RASEF: variants seen among roughly 807,000 people sequenced by gnomAD.
RASEF encodes ras and EF-hand domain-containing protein.
Under a neutral mutation model 90.1 loss-of-function variants are expected in RASEF, and 68 were observed. The ratio of observed to expected loss-of-function variants is 0.75; its 90% CI spans 0.62 to 0.92. RASEF has a LOEUF of 0.92. RASEF is among the 40% of genes least tolerant of loss of function. The probability of loss-of-function intolerance (pLI) is 0.00; values close to 1 mark genes in which losing one functional copy is unlikely to be tolerated. For missense variants in RASEF, 949 were observed against 937.2 expected, an observed-to-expected ratio of 1.01 and a Z score of -0.16; for synonymous variants, 331 against 345.2, an observed-to-expected ratio of 0.96 and a Z score of 0.46.
At chr9:83,212,788 A>T in the RASEF span, among the ~76,000 whole-genome samples, 37 of 152,316 alleles carry the variant, frequency 2.4e-4, no homozygotes, top group East Asian at 6.4e-3. Flanking sequence ...AACCCCAAAG[A>T]TTGTAGCAGG....
the RASEF span, among the ~76,000 whole-genome samples, chr9:83,150,072 C>A: frequency 2.6e-5 from 4 of 152,208 alleles, no homozygotes; most frequent in Non-Finnish European, 4.4e-5. Flanking sequence ...CTTCCCCCAA[C>A]CTTGACAACT....
the RASEF span, among the ~76,000 whole-genome samples, chr9:83,078,145 C>G: frequency 6.6e-6 from 1 of 152,058 alleles, no homozygotes; most frequent in Admixed American, 6.5e-5. Context: ...TGTGGCTCAC[C>G]GTGTGTGTTT....
chr9:83,096,604 A>C, the RASEF span, among the ~76,000 whole-genome samples: 1 of 151,798 alleles, frequency 6.6e-6, no homozygotes, highest in African/African-American at 2.4e-5. Flanking sequence ...CCTCACCTAC[A>C]GGGGGAAACA....
chr9:83,163,407 G>A, the RASEF span, among the ~76,000 whole-genome samples: 1 of 152,164 alleles, frequency 6.6e-6, no homozygotes, highest in East Asian at 1.9e-4. Flanking sequence ...AGAAATGGCA[G>A]GGATGTAGGA....
the RASEF span, among the ~76,000 whole-genome samples, chr9:83,196,530 C>G: frequency 6.6e-6 from 1 of 152,128 alleles, no homozygotes; most frequent in Non-Finnish European, 1.5e-5. Flanking sequence ...CTACCGGGCC[C>G]CTTGATAAGA....
chr9:83,009,955 C>A (rs1829209748), intron 5 of RASEF, among the ~76,000 whole-genome samples, 199 bp from the exon 6 acceptor site: 1 of 152,070 alleles, frequency 6.6e-6, no homozygotes, highest in Admixed American at 6.5e-5. Context: ...AAATCAAAAC[C>A]CTCAAAGTCA....
At chr9:83,156,468 T>C in the RASEF span, among the ~76,000 whole-genome samples, 1 of 152,212 alleles carries the variant, frequency 6.6e-6, no homozygotes, top group East Asian at 1.9e-4. Context: ...GCCCAGGGCA[T>C]AGATCTTCAA....
intron 13 of RASEF, among the ~76,000 whole-genome samples, chr9:82,998,128 A>G (rs6559694): frequency 0.53 from 80,940 of 151,976 alleles, 21,832 homozygotes; most frequent in East Asian, 0.78. Context: ...ACTGAACATC[A>G]GCTCAAAAGA....
At chr9:83,175,362 T>C in the RASEF span, among the ~76,000 whole-genome samples, 1 of 152,218 alleles carries the variant, frequency 6.6e-6, no homozygotes, top group East Asian at 1.9e-4. Context: ...ATAGAGATGA[T>C]CATTTGCCTT....
At chr9:82,996,970 C>T (rs777077789) in intron 14 of RASEF, 42 bp downstream of exon 14, 1 of 1,189,458 alleles carries the variant, frequency 8.4e-7, no homozygotes, top group Admixed American at 1.7e-5. Context: ...TGGCCTAAAA[C>T]TTCCTCGTGT....
chr9:83,112,994 T>C, the RASEF span, among the ~76,000 whole-genome samples: 3 of 152,220 alleles, frequency 2.0e-5, no homozygotes, highest in Non-Finnish European at 2.9e-5. Context: ...TAAAAAACAC[T>C]GTATTTAAAA....
At chr9:83,176,688 C>A in the RASEF span, among the ~76,000 whole-genome samples, 2 of 146,066 alleles carry the variant, frequency 1.4e-5, no homozygotes, top group Non-Finnish European at 2.9e-5. Context: ...TAAATCTTAA[C>A]TTATCAAAAT....
Position 82,983,107 on chromosome 9 carries a change from C to CCACACACACA in RASEF, c.2118-335_2118-326dup, listed in dbSNP as rs10539196. On this transcript the variant is annotated intron_variant, in intron 16 of 16. Coordinates refer to ENST00000376447, the MANE Select transcript of RASEF (RefSeq NM_152573.4). ...CAGCACCTGTTTTCTGAGTACCAGG[C>CCACACACACA]CACACACACACACACACACACACAC... Among the ~76,000 whole-genome samples the CCACACACACA allele has an allele frequency of 2.7e-3, 345 of 128,638 alleles. 4 individuals carry two copies. The highest frequency in any genetic ancestry group is 8.4e-3 in the African/African-American group (277 of 32,998). 84.4% of individuals were successfully genotyped at this position (128,638 alleles called of 152,430 possible).
At chr9:83,066,990 C>T (rs1830286815), upstream of RASEF, among the ~76,000 whole-genome samples, 1 of 152,162 alleles carries the variant, frequency 6.6e-6, no homozygotes, top group Non-Finnish European at 1.5e-5. Context: ...TGATCCTTTG[C>T]TCCTACATCA....
At chr9:83,087,405 TTC>T in the RASEF span, among the ~76,000 whole-genome samples, 1,133 of 115,328 alleles carry the variant, frequency 9.8e-3, 12 homozygotes, top group African/African-American at 0.023. Context: ...TTCTCATTCA[TTC>T]TCTCTCTCTC....
chr9:83,214,031 G>C, the RASEF span, among the ~76,000 whole-genome samples: 3 of 152,150 alleles, frequency 2.0e-5, no homozygotes, highest in Non-Finnish European at 2.9e-5. Context: ...ACTGTAGTGA[G>C]CCATGACTGC....
Position 83,004,495 on chromosome 9 carries a change from T to C in RASEF, c.1202+3A>G, listed in dbSNP as rs1254087080. 4 of 1,568,252 alleles carry C rather than the reference T, an allele frequency of 2.6e-6. No individual in the cohort carries two copies. Among genetic ancestry groups the C allele is most frequent in the Non-Finnish European group, 3.5e-6 (4 of 1,138,404 alleles). On this transcript the variant is annotated splice_donor_region_variant and intron_variant, in intron 9 of 16. Coordinates refer to ENST00000376447, the MANE Select transcript of RASEF (RefSeq NM_152573.4). ...AACAGAAAGTTAAGACGAGTTAACA[T>C]ACCTGTCATAGCCTAGAGGTTGAGG...
chr9:83,007,319 A>T, intron 7 of RASEF, 118 bp downstream of exon 7: 2 of 775,058 alleles, frequency 2.6e-6, no homozygotes, highest in Non-Finnish European at 4.6e-6. Flanking sequence ...AGAAACACCC[A>T]CTGACCTGCA....
intron 4 of RASEF, among the ~76,000 whole-genome samples, chr9:83,013,699 A>C (rs953295233): frequency 1.3e-5 from 2 of 152,226 alleles, no homozygotes; most frequent in African/African-American, 4.8e-5. Flanking sequence ...TGTGACTCTG[A>C]ACAAGTTAGT....
Sources: allele counts gnomAD v4.1 joint callset (sites outside exome capture counted in the v4.1 genomes callset), GRCh38; gene constraint gnomAD v4.1.1; transcripts MANE v1.5; gene names NCBI Gene and HGNC (gene_info 2026-07-23, HGNC 2026-07-21).